Variants in LYVE1 observed in about 807,000 individuals in gnomAD.
LYVE1 encodes the protein lymphatic vessel endothelial hyaluronan receptor 1.
In LYVE1, 29 loss-of-function variants were observed where a neutral mutation model predicts 31.5. The ratio of observed to expected loss-of-function variants is 0.92; its 90% CI spans 0.69 to 1.26. The LOEUF (loss-of-function observed/expected upper bound fraction) is 1.26. LYVE1 is among the 50% of genes most tolerant of loss of function. The pLI, the probability that LYVE1 is intolerant of heterozygous loss-of-function variation, is 0.00. For synonymous variants in LYVE1, 134 were observed against 139.4 expected (o/e 0.96, Z 0.27); for missense variants, 376 against 380.2 (o/e 0.99, Z 0.09).
chr11:10,564,230 G>T lies in LYVE1; in HGVS notation c.230C>A (p.Ala77Asp), dbSNP rs765958895. 1 of 1,613,958 alleles carries T rather than the reference G, an allele frequency of 6.2e-7. No homozygotes were observed. The highest frequency in any genetic ancestry group is 1.3e-5 in the African/African-American group (1 of 74,930). The stretch of plus-strand genomic sequence containing the variant: ...GCAAGTTTCAAAGCTAGCTTTCAAG[G>T]CTGTTTCAACTTGGTCCTTGCCGGC... Reference protein sequence around the residue: ...SLAGKDQVETALKASFETCSY... With the variant: ...SLAGKDQVETDLKASFETCSY... The change falls in exon 2 of 6, where the codon GCC (alanine) becomes GAC (aspartate). Residue 77 changes from alanine (A) to aspartate (D), a missense_variant. By Grantham distance (126) the Ala-to-Asp change is moderately radical. Transcript: ENST00000256178.
intron 3 of LYVE1, among the ~76,000 whole-genome samples, chr11:10,561,963 G>T (rs1850435014): frequency 6.6e-6 from 1 of 151,954 alleles, no homozygotes; most frequent in Non-Finnish European, 1.5e-5. Flanking sequence ...AGAACTTAAA[G>T]TATAATAAAA....
chr11:10,565,800 C>A (rs1261782337), intron 1 of LYVE1, among the ~76,000 whole-genome samples: 1 of 151,790 alleles, frequency 6.6e-6, no homozygotes, highest in Non-Finnish European at 1.5e-5. Flanking sequence ...TATGGCCAAG[C>A]AAGAACCCCA....
At chr11:10,564,482 TG>T (rs1265379336) in intron 1 of LYVE1, 108 bp from the exon 2 acceptor site, 30 of 977,700 alleles carry the variant, frequency 3.1e-5, no homozygotes, top group Non-Finnish European at 4.4e-5. Flanking sequence ...GAGGTCTATC[TG>T]GCTGGGACTG....
At position 10,564,284 on chromosome 11, in the gene LYVE1, T is replaced by C. The variant is rs1490499830; in HGVS notation, c.176A>G (p.Glu59Gly). The C allele has an allele frequency of 4.3e-6, 7 of 1,614,232 alleles. No homozygotes were observed. Among genetic ancestry groups the C allele is most frequent in the Non-Finnish European group, 5.9e-6 (7 of 1,180,030 alleles). ...ACTTAGTCCCAGCAGCCTACAGGCCTCCTTAGCTTCTGTGAAATTCAGCTG... is the reference window on the plus strand; with the variant it reads ...ACTTAGTCCCAGCAGCCTACAGGCCCCCTTAGCTTCTGTGAAATTCAGCTG... ...NQQLNFTEAK[E>G]ACRLLGLSLA... The change falls in exon 2 of 6, where the codon GAG (glutamate) becomes GGG (glycine). Residue 59 changes from glutamate to glycine, a missense_variant. By Grantham distance (98) the Glu-to-Gly change is moderately conservative. Transcript: ENST00000256178.
intron 1 of LYVE1, among the ~76,000 whole-genome samples, chr11:10,565,393 G>A (rs2134012682): frequency 6.6e-6 from 1 of 152,266 alleles, no homozygotes; most frequent in African/African-American, 2.4e-5. Flanking sequence ...TTGCCAAGTT[G>A]TATTGTATTC....
intron 3 of LYVE1, among the ~76,000 whole-genome samples, chr11:10,562,681 A>G (rs1304837511): frequency 6.6e-6 from 1 of 152,172 alleles, no homozygotes; most frequent in Non-Finnish European, 1.5e-5. Flanking sequence ...AAACTTTAGG[A>G]GAAGTACTTA....
In LYVE1 at chr11:10,564,032, G is replaced by A; in HGVS notation, c.305C>T (p.Pro102Leu). 1 of 1,614,150 alleles carries A rather than the reference G, an allele frequency of 6.2e-7. No homozygotes were observed. The highest frequency in any genetic ancestry group is 8.5e-7 in the Non-Finnish European group (1 of 1,180,034). ...DGFVVISRIS[P>L]NPKCGKNGVG... ...CCCATTTTTCCCACACTTGGGGTTT[G>A]GGCTAATCCTAGAGATGACCACGAA... The change falls in exon 3 of 6, where the codon CCA becomes CTA. Residue 102 changes from proline (P) to leucine (L), a missense_variant. Pro to Leu is a moderately conservative substitution (Grantham distance 98, BLOSUM62 -3). Transcript: ENST00000256178.
chr11:10,562,946 CTTTTTTTTTTTTTT>C (rs71034774), intron 3 of LYVE1, among the ~76,000 whole-genome samples: 24 of 79,472 alleles, frequency 3.0e-4, no homozygotes, highest in Non-Finnish European at 4.4e-4. Flanking sequence ...AACTCGGTTT[CTTTTTTTTTTTTTT>C]TTTTTTTTTT....
intron 1 of LYVE1, among the ~76,000 whole-genome samples, chr11:10,565,025 G>T (rs537830950): frequency 6.6e-6 from 1 of 152,180 alleles, no homozygotes; most frequent in Admixed American, 6.5e-5. Flanking sequence ...TGCTAGCTCT[G>T]TGACCTTAGC....
Position 10,557,942 on chromosome 11 carries a change from G to A in LYVE1, c.*1169C>T, listed in dbSNP as rs1850345422. 1 of 152,060 alleles carries A rather than the reference G, an allele frequency of 6.6e-6. No homozygotes were observed. The highest frequency in any genetic ancestry group is 1.5e-5 in the Non-Finnish European group (1 of 68,022). The allele number at this position is 152,060 out of a possible 1,614,324, so 9.4% of individuals were successfully genotyped here. The stretch of plus-strand genomic sequence containing the variant: ...AGTCCCTTCTTGTTGGAAAAAGGAG[G>A]GCTAGTGATACATTTGTTAATGGCA... On this transcript the variant is annotated 3_prime_UTR_variant, in exon 6 of 6. Transcript: ENST00000256178.
At position 10,558,467 on chromosome 11, in the gene LYVE1, A is replaced by T. The variant is rs1431148656; in HGVS notation, c.*644T>A. 1 of 152,232 alleles carries T rather than the reference A, an allele frequency of 6.6e-6. No homozygotes were observed. Among genetic ancestry groups the T allele is most frequent in the Admixed American group, 6.5e-5 (1 of 15,292 alleles). 9.4% of individuals were successfully genotyped at this position (152,232 alleles called of 1,614,324 possible). On this transcript the variant is annotated 3_prime_UTR_variant, in exon 6 of 6. Coordinates refer to ENST00000256178, the MANE Select transcript of LYVE1 (RefSeq NM_006691.4). ...CCAACTCAATGTGTTCAGAGAAAACACTTTGACCCTGTCTGTGTTTACAGT... is the reference window on the plus strand; with the variant it reads ...CCAACTCAATGTGTTCAGAGAAAACTCTTTGACCCTGTCTGTGTTTACAGT...
chr11:10,566,381 A>G (rs1850543053), intron 1 of LYVE1, among the ~76,000 whole-genome samples: 1 of 152,144 alleles, frequency 6.6e-6, no homozygotes, highest in African/African-American at 2.4e-5. Context: ...AAGTGCTGAG[A>G]TTACAGTCAT....
rs1015040088 is a variant in LYVE1, at chr11:10,557,813, C to T, written c.*1298G>A. On this transcript the variant is annotated 3_prime_UTR_variant, in exon 6 of 6. Transcript: ENST00000256178. The stretch of plus-strand genomic sequence containing the variant: ...AAACAATATGATATGATCTGGTCCT[C>T]ACTTTAATTTTACATGAAAGGTATA... 16 of 152,220 alleles carry T rather than the reference C, an allele frequency of 1.1e-4. No individual in the cohort carries two copies. Among genetic ancestry groups the T allele is most frequent in the African/African-American group, 2.9e-4 (12 of 41,450 alleles). 9.4% of individuals were successfully genotyped at this position (152,220 alleles called of 1,614,324 possible). A position where few individuals can be genotyped will look rare whatever the true frequency, so the allele number is the denominator to read the frequency against.
In LYVE1 at chr11:10,560,740, G is replaced by A. The variant is rs747380310; in HGVS notation, c.458C>T (p.Thr153Ile). 6.2e-7 allele frequency: 1 copy of A among 1,613,912 alleles called. No individual in the cohort carries two copies. Among genetic ancestry groups the A allele is most frequent in the Non-Finnish European group, 8.5e-7 (1 of 1,179,784 alleles). Residue 153 changes from threonine (T) to isoleucine (I), a missense_variant, in exon 4 of 6, where the codon ACT becomes ATT. Physicochemically the swap from Thr to Ile is moderately conservative, Grantham distance 89. Transcript: ENST00000256178. ...TTCTGTTGTTTGTGTTGCAGTTTGA[G>A]TGTTGAATATGGGATCTTTGGTGGT... ...IITTKDPIFN[T>I]QTATQTTEFI...
At position 10,557,841 on chromosome 11, in the gene LYVE1, G is replaced by T. The variant is rs1457834969; in HGVS notation, c.*1270C>A. The T allele has an allele frequency of 6.6e-6, 1 of 152,158 alleles. No individual in the cohort carries two copies. Among genetic ancestry groups the T allele is most frequent in the African/African-American group, 2.4e-5 (1 of 41,430 alleles). 9.4% of individuals were successfully genotyped at this position (152,158 alleles called of 1,614,324 possible). On this transcript the variant is annotated 3_prime_UTR_variant, in exon 6 of 6. Transcript: ENST00000256178. The stretch of plus-strand genomic sequence containing the variant: ...TTTAATTTTACATGAAAGGTATAAT[G>T]CATCTACGTAAATAAGAAAGCAAAG...
Position 10,564,339 on chromosome 11 carries a change from T to G in LYVE1, c.121A>C (p.Ile41Leu). The G allele has an allele frequency of 6.2e-7, 1 of 1,614,036 alleles. No homozygotes were observed. Among genetic ancestry groups the G allele is most frequent in the South Asian group, 1.1e-5 (1 of 91,080 alleles). ...SIQVSCRIMG[I>L]TLVSKKANQQ... is the part of the protein sequence containing the mutation. ...TTCGCCTTTTTGCTCACAAGGGTGA[T>G]CCCCATAATTCTGCATGACACCTGG... is the stretch of plus-strand genomic sequence containing the variant. Residue 41 changes from isoleucine (I) to leucine (L), a missense_variant, in exon 2 of 6, where the codon ATC becomes CTC. Coordinates refer to ENST00000256178, the MANE Select transcript of LYVE1 (RefSeq NM_006691.4).
In LYVE1 at chr11:10,563,228, C is replaced by T. The variant is rs193175617; in HGVS notation, c.397+712G>A. On this transcript the variant is annotated intron_variant, in intron 3 of 5. Transcript: ENST00000256178. ...CCTCCCAAAGTGCTGGGATTACAGG[C>T]ATGAGCCACTGTGCCCGGCCTGAAC... is the stretch of plus-strand genomic sequence containing the variant. 1.8e-3 allele frequency among the ~76,000 whole-genome samples: 267 copies of T among 152,100 alleles called. 1 individual carries two copies. Among genetic ancestry groups the T allele is most frequent in the African/African-American group, 6.1e-3 (255 of 41,492 alleles).
At chr11:10,561,077 C>A (rs181992413) in intron 3 of LYVE1, among the ~76,000 whole-genome samples, 1 of 152,296 alleles carries the variant, frequency 6.6e-6, no homozygotes, top group Admixed American at 6.5e-5. Context: ...ACTTGAAATT[C>A]CTTGATACAC....
In LYVE1 at chr11:10,558,705, C is replaced by T. The variant is rs1308379453; in HGVS notation, c.*406G>A. Reference sequence around the variant, plus strand: ...GAAGAAAGGGTCTGAGCTGCGGAATCAGTAGAGAAAGCCTTGGTCTCAGTG... The same window carrying T: ...GAAGAAAGGGTCTGAGCTGCGGAATTAGTAGAGAAAGCCTTGGTCTCAGTG... On this transcript the variant is annotated 3_prime_UTR_variant, in exon 6 of 6. Transcript: ENST00000256178. 6.2e-6 allele frequency: 1 copy of T among 161,816 alleles called. No homozygotes were observed. Among genetic ancestry groups the T allele is most frequent in the Admixed American group, 6.4e-5 (1 of 15,606 alleles). 10.0% of individuals were successfully genotyped at this position (161,816 alleles called of 1,614,324 possible).
Sources: allele counts gnomAD v4.1 joint callset (sites outside exome capture counted in the v4.1 genomes callset), GRCh38; gene constraint gnomAD v4.1.1; transcripts MANE v1.5; gene names NCBI Gene and HGNC (gene_info 2026-07-23, HGNC 2026-07-21).